The following LRRC69 variants were observed in gnomAD, a reference collection of about 807,000 sequenced individuals.
LRRC69 encodes the protein leucine-rich repeat-containing protein 69.
In LRRC69, 42 loss-of-function variants were observed where a neutral mutation model predicts 37.8. The ratio of observed to expected loss-of-function variants is 1.11; its 90% CI spans 0.87 to 1.44. The LOEUF (loss-of-function observed/expected upper bound fraction) is 1.44, where lower values mean the gene tolerates loss of function less well. LRRC69 is among the 40% of genes most tolerant of loss of function. The pLI is 0.00. For synonymous variants in LRRC69, 141 were observed against 143.1 expected, an observed-to-expected ratio of 0.99 and a Z score of 0.11; for missense variants, 357 against 401.9, an observed-to-expected ratio of 0.89 and a Z score of 0.96.
At chr8:91,167,387 C>T (rs931470516) in intron 5 of LRRC69, among the ~76,000 whole-genome samples, 3 of 151,386 alleles carry the variant, frequency 2.0e-5, no homozygotes, top group African/African-American at 2.4e-5. Flanking sequence ...GAGAACAGCC[C>T]GGGAAAGACC....
At chr8:91,111,229 G>A (rs1813405711) in intron 1 of LRRC69, among the ~76,000 whole-genome samples, 1 of 152,002 alleles carries the variant, frequency 6.6e-6, no homozygotes, top group Non-Finnish European at 1.5e-5. Flanking sequence ...GGAATACTAT[G>A]CAGTCATAAA....
In LRRC69 at chr8:91,155,902, C is replaced by CAT. The variant is rs201241249; in HGVS notation, c.651+20173_651+20174dup. 6.1e-4 allele frequency among the ~76,000 whole-genome samples: 91 copies of CAT among 147,978 alleles called. 1 individual carries two copies. Among genetic ancestry groups the CAT allele is most frequent in the African/African-American group, 1.8e-3 (74 of 40,560 alleles). On this transcript the variant is annotated intron_variant, in intron 5 of 7. Coordinates refer to ENST00000448384, the Ensembl canonical transcript of LRRC69. ...ATATACACAACATATATATATACAA[C>CAT]ATATATATATACAACATATATATAT...
chr8:91,198,038 A>G (rs999590974), intron 6 of LRRC69, among the ~76,000 whole-genome samples: 1 of 152,164 alleles, frequency 6.6e-6, no homozygotes, highest in African/African-American at 2.4e-5. Flanking sequence ...GCATTTAGTC[A>G]ATGTTACTGA....
At chr8:91,163,992 T>A (rs1376932982) in intron 5 of LRRC69, among the ~76,000 whole-genome samples, 1 of 151,550 alleles carries the variant, frequency 6.6e-6, no homozygotes, top group African/African-American at 2.4e-5. Context: ...CAAAGCTCCC[T>A]ATATAAAATT....
intron 5 of LRRC69, among the ~76,000 whole-genome samples, chr8:91,143,069 T>A (rs1004547447): frequency 2.6e-5 from 4 of 152,096 alleles, no homozygotes; most frequent in African/African-American, 9.6e-5. Context: ...TAGCCTTACT[T>A]CTTTTTAGCC....
chr8:91,105,453 G>A (rs1410226967), intron 1 of LRRC69, among the ~76,000 whole-genome samples: 1 of 151,890 alleles, frequency 6.6e-6, no homozygotes, highest in Non-Finnish European at 1.5e-5. Context: ...GGAGGCCAAG[G>A]TGGGCAGATT....
intron 5 of LRRC69, among the ~76,000 whole-genome samples, chr8:91,146,417 C>G (rs1416635853): frequency 1.3e-5 from 2 of 151,446 alleles, no homozygotes; most frequent in East Asian, 3.9e-4. Context: ...AAAATCAGGG[C>G]CAATATTTTT....
chr8:91,173,522 A>G (rs1809170214), intron 5 of LRRC69, among the ~76,000 whole-genome samples: 1 of 152,184 alleles, frequency 6.6e-6, no homozygotes, highest in Non-Finnish European at 1.5e-5. Flanking sequence ...ACCGTCTTAA[A>G]ACTGAAAGTA....
At chr8:91,206,039 T>C (rs546792871) in intron 7 of LRRC69, among the ~76,000 whole-genome samples, 109 of 152,326 alleles carry the variant, frequency 7.2e-4, no homozygotes, top group African/African-American at 2.1e-3. Context: ...TCTCTACCAC[T>C]GAATACTAAG....
At chr8:91,129,160 G>T (rs138500969) in intron 3 of LRRC69, among the ~76,000 whole-genome samples, 158 of 152,124 alleles carry the variant, frequency 1.0e-3, no homozygotes, top group Middle Eastern at 6.8e-3. Context: ...CATGGACAGC[G>T]CTGCACAGGC....
chr8:91,196,213 T>A (rs1292260361), intron 6 of LRRC69, among the ~76,000 whole-genome samples: 2 of 151,854 alleles, frequency 1.3e-5, no homozygotes, highest in Admixed American at 6.6e-5. Flanking sequence ...CCGAGAGATC[T>A]GCTGTTAGTC....
At chr8:91,144,663 C>G (rs142760489) in intron 5 of LRRC69, among the ~76,000 whole-genome samples, 8 of 151,956 alleles carry the variant, frequency 5.3e-5, no homozygotes, top group African/African-American at 1.7e-4. Flanking sequence ...AAGGATTTCT[C>G]TTTTTATACC....
chr8:91,192,965 T>A (rs1364570215), intron 6 of LRRC69, among the ~76,000 whole-genome samples: 11 of 151,746 alleles, frequency 7.2e-5, no homozygotes, highest in Middle Eastern at 3.4e-3. Context: ...TCTTCTAGGG[T>A]TTTTTACGGT....
intron 7 of LRRC69, among the ~76,000 whole-genome samples, chr8:91,215,534 T>C (rs1237206891): frequency 1.3e-5 from 2 of 152,204 alleles, no homozygotes; most frequent in Admixed American, 1.3e-4. Context: ...GTAGAGAATA[T>C]AATCATGTGT....
chr8:91,168,265 C>T (rs1809063438), intron 5 of LRRC69, among the ~76,000 whole-genome samples: 1 of 151,718 alleles, frequency 6.6e-6, no homozygotes, highest in African/African-American at 2.4e-5. Flanking sequence ...CTAATTAGGG[C>T]TTTTGGAAAA....
At chr8:91,174,979 G>A (rs4338063) in intron 5 of LRRC69, among the ~76,000 whole-genome samples, 102,823 of 151,894 alleles carry the variant, frequency 0.68, 35,286 homozygotes, top group African/African-American at 0.74. Context: ...TTGACATTTT[G>A]CAAAGGATAA....
At chr8:91,160,966 C>A (rs184625026) in intron 5 of LRRC69, among the ~76,000 whole-genome samples, 1 of 151,274 alleles carries the variant, frequency 6.6e-6, no homozygotes, top group Non-Finnish European at 1.5e-5. Flanking sequence ...TAGTCATATT[C>A]CTTTAATACC....
At chr8:91,103,689 G>A (rs541032141) in intron 1 of LRRC69, among the ~76,000 whole-genome samples, 1 of 151,964 alleles carries the variant, frequency 6.6e-6, no homozygotes, top group African/African-American at 2.4e-5. Context: ...TTCCTTTTAC[G>A]TTTAAGAAAT....
chr8:91,215,002 G>A lies in LRRC69; in HGVS notation c.934-3888G>A, dbSNP rs546454801. Among the ~76,000 whole-genome samples the A allele has an allele frequency of 5.9e-5, 9 of 151,906 alleles. No individual in the cohort carries two copies. In the South Asian group the frequency reaches 1.9e-3, roughly 32 times the overall value. ...TTCTTCCATCTTCAAAGTCAGTATTGGCTGATCTAGGCCTTCTCATATCAC... is the reference window on the plus strand; with the variant it reads ...TTCTTCCATCTTCAAAGTCAGTATTAGCTGATCTAGGCCTTCTCATATCAC... On this transcript the variant is annotated intron_variant, in intron 7 of 7. Coordinates refer to ENST00000448384, the Ensembl canonical transcript of LRRC69.
Sources: gnomAD v4.1 joint callset for allele counts (sites outside exome capture counted in the v4.1 genomes callset) on GRCh38, gnomAD v4.1.1 for gene constraint, MANE v1.5 for transcripts, NCBI Gene and HGNC (gene_info 2026-07-23, HGNC 2026-07-21) for gene names.